Variants in LRRC37A3 observed in about 807,000 individuals in gnomAD.
The protein encoded by LRRC37A3 is leucine rich repeat containing 37 member A3.
In LRRC37A3, 25 loss-of-function variants were observed where a neutral mutation model predicts 106.2. The observed-to-expected ratio is 0.24, with a 90% CI of 0.17 to 0.33. The LOEUF is 0.33. LRRC37A3 is among the 10% of genes least tolerant of loss of function. The probability of loss-of-function intolerance (pLI) is 1.00; values close to 1 mark genes in which losing one functional copy is unlikely to be tolerated. For missense variants in LRRC37A3, 712 were observed against 1,644.9 expected, an observed-to-expected ratio of 0.43 and a Z score of 9.81; for synonymous variants, 305 against 635.8, an observed-to-expected ratio of 0.48 and a Z score of 7.83.
intron 8 of LRRC37A3, among the ~76,000 whole-genome samples, chr17:64,884,619 C>T (rs1183374652): frequency 6.8e-6 from 1 of 146,910 alleles, no homozygotes; most frequent in Non-Finnish European, 1.5e-5. Flanking sequence ...CCCACCTCAG[C>T]AAAGTGCTGG....
At chr17:64,861,496 C>T (rs1271379511) in intron 11 of LRRC37A3, among the ~76,000 whole-genome samples, 1 of 152,202 alleles carries the variant, frequency 6.6e-6, no homozygotes, top group Non-Finnish European at 1.5e-5. Context: ...CCATTGCTGA[C>T]AGATCCTCAT....
chr17:64,857,395 A>G (rs1972712689), intron 13 of LRRC37A3, among the ~76,000 whole-genome samples: 1 of 152,260 alleles, frequency 6.6e-6, no homozygotes, highest in Admixed American at 6.5e-5. Context: ...TGAATACATG[A>G]CATGAGATAG....
chr17:64,866,613 T>C (rs1360373353), intron 10 of LRRC37A3, among the ~76,000 whole-genome samples: 3 of 22,454 alleles, frequency 1.3e-4, no homozygotes, highest in Non-Finnish European at 1.5e-4. Context: ...TATATATATA[T>C]ATATATATAT....
chr17:64,873,710 G>A (rs1973400927), intron 8 of LRRC37A3, among the ~76,000 whole-genome samples: 1 of 150,882 alleles, frequency 6.6e-6, no homozygotes, highest in South Asian at 2.1e-4. Flanking sequence ...GACAGAATGG[G>A]GAACTTGAAG....
intron 10 of LRRC37A3, among the ~76,000 whole-genome samples, chr17:64,865,800 T>C (rs1208632821): frequency 2.6e-5 from 4 of 152,194 alleles, no homozygotes; most frequent in African/African-American, 9.7e-5. Flanking sequence ...ATTTTCACAA[T>C]TGTCCCAATC....
chr17:64,860,226 A>C lies in LRRC37A3; in HGVS notation c.3920T>G (p.Phe1307Cys). 2 of 1,613,896 alleles carry C rather than the reference A, an allele frequency of 1.2e-6. No homozygotes were observed. The highest frequency in any genetic ancestry group is 1.7e-6 in the Non-Finnish European group (2 of 1,179,854). The change falls in exon 12 of 15, where the codon TTT becomes TGT. Residue 1307 changes from phenylalanine to cysteine, a missense_variant. By Grantham distance (205) the Phe-to-Cys change is radical. Coordinates refer to ENST00000584306, the MANE Select transcript of LRRC37A3 (RefSeq NM_199340.5). ...PIVHSRKKYR[F>C]HKTRSRMTHR... ...GGTCATGCGGGAGCGAGTTTTGTGAAAGCGGTATTTTTTTCTGGAATGTAC... is the reference window on the plus strand; with the variant it reads ...GGTCATGCGGGAGCGAGTTTTGTGACAGCGGTATTTTTTTCTGGAATGTAC...
intron 2 of LRRC37A3, chr17:64,898,771 GCTC>G (rs1173612302): frequency 7.8e-5 from 55 of 702,488 alleles, no homozygotes; most frequent in African/African-American, 1.2e-4. Context: ...TGATACTTTT[GCTC>G]CTTTTTTTAA....
chr17:64,910,279 T>C (rs1040729493), intron 2 of LRRC37A3: 2 of 152,250 alleles, frequency 1.3e-5, no homozygotes, highest in Admixed American at 6.5e-5. Context: ...CCCTTTGCTG[T>C]GCCTCCTGGC....
rs201975637 is a variant in LRRC37A3, at chr17:64,858,856, A to G, written c.4732T>C (p.Tyr1578His). 257 of 1,609,856 alleles carry G rather than the reference A, an allele frequency of 1.6e-4. No individual in the cohort carries two copies. The highest frequency in any genetic ancestry group is 2.2e-4 in the Non-Finnish European group (255 of 1,178,456). Residue 1578 changes from tyrosine (Y) to histidine (H), a missense_variant, in exon 13 of 15, where the codon TAT becomes CAT. Transcript: ENST00000584306. ...EFTKELPGYG[Y>H]TKKLILALIV... is the part of the protein sequence containing the mutation. ...AACGCCAAGATGAGTTTTTTGGTATAGCCATATCCTGGAAGTTCTTTTGTG... is the reference window on the plus strand; with the variant it reads ...AACGCCAAGATGAGTTTTTTGGTATGGCCATATCCTGGAAGTTCTTTTGTG...
chr17:64,866,628 ATTTTTTTTTTT>A (rs1183521580), intron 10 of LRRC37A3, among the ~76,000 whole-genome samples: 3 of 17,868 alleles, frequency 1.7e-4, no homozygotes, highest in Non-Finnish European at 2.6e-4. Flanking sequence ...ATATATATAT[ATTTTTTTTTTT>A]TTTTTTTTTT....
At chr17:64,872,774 C>G (rs145770229) in intron 8 of LRRC37A3, among the ~76,000 whole-genome samples, 6,284 of 151,852 alleles carry the variant, frequency 0.041, 464 homozygotes, top group African/African-American at 0.15. Flanking sequence ...AATTTGGAAT[C>G]TCACGCGCAT....
At position 64,860,075 on chromosome 17, in the gene LRRC37A3, C is replaced by G; in HGVS notation, c.4071G>C (p.Gly1357=). 1 of 1,613,840 alleles carries G rather than the reference C, an allele frequency of 6.2e-7. No individual in the cohort carries two copies. Among genetic ancestry groups the G allele is most frequent in the Non-Finnish European group, 8.5e-7 (1 of 1,179,858 alleles). ...AKSLINSPSQ[G]AFSSLRDLSP... ...TCAGGTCTCTTAAGGATGAAAAAGC[C>G]CCTTGTGAAGGGGAATTTATGAGGC... is the stretch of plus-strand genomic sequence containing the variant. The change falls in exon 12 of 15, where the codon GGG becomes GGC. Residue 1357 remains glycine, a synonymous_variant. Transcript: ENST00000584306.
At chr17:64,916,287 C>A (rs1974698913) in intron 2 of LRRC37A3, among the ~76,000 whole-genome samples, 1 of 151,892 alleles carries the variant, frequency 6.6e-6, no homozygotes, top group Non-Finnish European at 1.5e-5. Context: ...TGCCTGTAGT[C>A]CCAGCTACTT....
chr17:64,913,419 C>A (rs1974634361), intron 2 of LRRC37A3, among the ~76,000 whole-genome samples: 1 of 150,708 alleles, frequency 6.6e-6, no homozygotes, highest in African/African-American at 2.5e-5. Context: ...CGGCTCACTG[C>A]AATATCCAAC....
intron 2 of LRRC37A3, chr17:64,899,095 G>A (rs1271285196): frequency 7.3e-6 from 1 of 137,380 alleles, no homozygotes; most frequent in Non-Finnish European, 1.5e-5. Flanking sequence ...ATGTAAACAT[G>A]GAAAATATAT....
In LRRC37A3 at chr17:64,859,591, A is replaced by G; in HGVS notation, c.4555T>C (p.Ser1519Pro). 6.2e-7 allele frequency: 1 copy of G among 1,612,832 alleles called. No individual in the cohort carries two copies. The highest frequency in any genetic ancestry group is 8.5e-7 in the Non-Finnish European group (1 of 1,179,826). The change falls in exon 12 of 15, where the codon TCC becomes CCC. Residue 1519 changes from serine (S) to proline (P), a missense_variant. Transcript: ENST00000584306. ...HVQVTCAKLV[S>P]RTGHLMKLLS... ...AGCTTCATCAGGTGGCCTGTCCTGG[A>G]GACGAGCTTGGCACAGGTCACTTGC... is the stretch of plus-strand genomic sequence containing the variant.
Position 64,860,790 on chromosome 17 carries a change from G to A in LRRC37A3, c.3356C>T (p.Thr1119Ile), listed in dbSNP as rs746674799. Residue 1119 changes from threonine to isoleucine, a missense_variant, in exon 12 of 15, where the codon ACA becomes ATA. Coordinates refer to ENST00000584306, the MANE Select transcript of LRRC37A3 (RefSeq NM_199340.5). ...GAAATAAGGTAAGATGTAACTTAGTGTACTGGTAACATCACTCTCGTCATT... is the reference window on the plus strand; with the variant it reads ...GAAATAAGGTAAGATGTAACTTAGTATACTGGTAACATCACTCTCGTCATT... ...DTNDESDVTS[T>I]LSYILPYFSA... 1.9e-6 allele frequency: 3 copies of A among 1,614,034 alleles called. No homozygotes were observed. Among genetic ancestry groups the A allele is most frequent in the Non-Finnish European group, 2.5e-6 (3 of 1,180,016 alleles).
chr17:64,871,111 T>C (rs1360127409), intron 8 of LRRC37A3, among the ~76,000 whole-genome samples: 2 of 151,504 alleles, frequency 1.3e-5, no homozygotes, highest in Non-Finnish European at 2.9e-5. Flanking sequence ...TCTCAAGTGA[T>C]CCGCCTGCCT....
chr17:64,909,241 T>C (rs1292196389), intron 2 of LRRC37A3, among the ~76,000 whole-genome samples: 5 of 152,174 alleles, frequency 3.3e-5, no homozygotes, highest in African/African-American at 9.7e-5. Flanking sequence ...TTGCTACTCA[T>C]TGAATGTCAT....
Sources: allele counts gnomAD v4.1 joint callset (sites outside exome capture counted in the v4.1 genomes callset), GRCh38; gene constraint gnomAD v4.1.1; transcripts MANE v1.5; gene names NCBI Gene and HGNC (gene_info 2026-07-23, HGNC 2026-07-21).